The following LRRK1 variants were observed in gnomAD, a reference collection of about 807,000 sequenced individuals.
The protein encoded by LRRK1 is leucine rich repeat kinase 1, also known as leucine-rich repeat serine/threonine-protein kinase 1.
Under a neutral mutation model 209.1 loss-of-function variants are expected in LRRK1, and 113 were observed. The observed-to-expected ratio is 0.54, with a 90% CI of 0.46 to 0.63. LRRK1 has a LOEUF of 0.63. LRRK1 is among the 30% of genes least tolerant of loss of function. The probability of loss-of-function intolerance (pLI) is 0.00; values close to 1 mark genes in which losing one functional copy is unlikely to be tolerated. For synonymous variants in LRRK1, 1,144 were observed against 1,099.7 expected (o/e 1.04, Z -0.80); for missense variants, 2,284 against 2,632.2 (o/e 0.87, Z 2.89).
chr15:100,953,614 C>T (rs982474603), intron 2 of LRRK1, among the ~76,000 whole-genome samples: 1 of 151,906 alleles, frequency 6.6e-6, no homozygotes, highest in African/African-American at 2.4e-5. Context: ...TATCTTGGCT[C>T]TTGTGAATAA....
intron 20 of LRRK1, among the ~76,000 whole-genome samples, chr15:101,040,751 A>T (rs1314853760): frequency 2.6e-5 from 4 of 152,140 alleles, no homozygotes; most frequent in Non-Finnish European, 1.5e-5. Flanking sequence ...AATATATCTT[A>T]TATTATTTTG....
chr15:100,956,456 T>TTTTTCTTTTCTTTTTTC (rs1491498027), intron 2 of LRRK1, among the ~76,000 whole-genome samples: 1 of 58,814 alleles, frequency 1.7e-5, no homozygotes, highest in African/African-American at 8.7e-5. Flanking sequence ...TTTTTTTTTC[T>TTTTTCTTTTCTTTTTTC]TTTTTTTTTT....
At chr15:100,941,472 G>GTCTGTGTGTCTGTGTGTGTCTATGTC (rs1567191284) in intron 2 of LRRK1, among the ~76,000 whole-genome samples, 1 of 145,788 alleles carries the variant, frequency 6.9e-6, no homozygotes. Flanking sequence ...CTCTGTGTGT[G>GTCTGTGTGTCTGTGTGTGTCTATGTC]TGTGTGTGTG....
At chr15:100,959,112 G>GA (rs1397559116) in intron 2 of LRRK1, among the ~76,000 whole-genome samples, 2 of 152,200 alleles carry the variant, frequency 1.3e-5, no homozygotes, top group Non-Finnish European at 2.9e-5. Flanking sequence ...TCTTGGAAAG[G>GA]AAAATTTAGA....
rs539135691 is a variant in LRRK1 at position 101,069,116 on chromosome 15, C to T, written c.*268C>T. ...GAAGACAGTGGTATCAGGCTGGGAG[C>T]GGCCTCCTCTGGCCTCCCCCATCAG... On this transcript the variant is annotated 3_prime_UTR_variant, in exon 34 of 34. Coordinates refer to ENST00000388948, the MANE Select transcript of LRRK1 (RefSeq NM_024652.6). 65 of 333,200 alleles carry T rather than the reference C, an allele frequency of 2.0e-4. No individual in the cohort carries two copies. The highest frequency in any genetic ancestry group is 3.2e-4 in the East Asian group (6 of 19,008). The allele number at this position is 333,200 out of a possible 1,614,324, so 20.6% of individuals were successfully genotyped here.
In LRRK1 at chr15:101,025,384, G is replaced by A. The variant is rs573335147; in HGVS notation, c.2232+417G>A. Among the ~76,000 whole-genome samples the A allele has an allele frequency of 1.2e-4, 19 of 152,298 alleles. No individual in the cohort carries two copies. In the East Asian group the frequency reaches 1.9e-3, roughly 15 times the overall value. ...CAATGCAACAGTCCCTCAGGTTCAC[G>A]GAGAATGAGGAGCACAGGTGCTGCC... On this transcript the variant is annotated intron_variant, in intron 16 of 33. Transcript: ENST00000388948.
intron 19 of LRRK1, 55 bp from the exon 20 acceptor site, chr15:101,028,901 G>A: frequency 6.3e-7 from 1 of 1,579,086 alleles, no homozygotes; most frequent in Non-Finnish European, 8.6e-7. Flanking sequence ...CCACCCCAGA[G>A]TCCCTTTCGC....
chr15:100,949,547 A>T (rs2042605581), intron 2 of LRRK1, among the ~76,000 whole-genome samples: 1 of 152,204 alleles, frequency 6.6e-6, no homozygotes, highest in Non-Finnish European at 1.5e-5. Flanking sequence ...TATTACCCTG[A>T]AGCCAAAACC....
rs902809822 is a variant in LRRK1 at position 101,068,949 on chromosome 15, G to A, written c.*101G>A. ...TAGTTCTCCAAGGACCTAGAAGACAGATGGAGTTCTCCCCTGAACTCCTTG... is the reference window on the plus strand; with the variant it reads ...TAGTTCTCCAAGGACCTAGAAGACAAATGGAGTTCTCCCCTGAACTCCTTG... On this transcript the variant is annotated 3_prime_UTR_variant, in exon 34 of 34. Transcript: ENST00000388948. 311 of 1,198,398 alleles carry A rather than the reference G, an allele frequency of 2.6e-4. 1 individual carries two copies. The highest frequency in any genetic ancestry group is 1.2e-3 in the Admixed American group (42 of 35,750). The allele number at this position is 1,198,398 out of a possible 1,614,324, so 74.2% of individuals were successfully genotyped here.
At chr15:101,019,640 G>A (rs1318908987) in intron 12 of LRRK1, among the ~76,000 whole-genome samples, 2 of 152,296 alleles carry the variant, frequency 1.3e-5, no homozygotes, top group South Asian at 4.1e-4. Context: ...CCGAGGCGGG[G>A]TAGCTATGAT....
At chr15:100,973,426 C>A (rs1281058892) in intron 2 of LRRK1, among the ~76,000 whole-genome samples, 4 of 152,216 alleles carry the variant, frequency 2.6e-5, no homozygotes, top group Non-Finnish European at 4.4e-5. Context: ...CCCGTGGGCA[C>A]CGCAGCGGGA....
At chr15:101,033,598 A>G (rs1266265137) in intron 20 of LRRK1, among the ~76,000 whole-genome samples, 1 of 152,088 alleles carries the variant, frequency 6.6e-6, no homozygotes, top group Non-Finnish European at 1.5e-5. Context: ...AAATGACATG[A>G]TTTCATTCTC....
chr15:100,971,842 T>C (rs1224392007), intron 2 of LRRK1, among the ~76,000 whole-genome samples: 1 of 152,226 alleles, frequency 6.6e-6, no homozygotes, highest in Non-Finnish European at 1.5e-5. Flanking sequence ...TTTGCCTCCA[T>C]GGGATCAAAT....
intron 6 of LRRK1, among the ~76,000 whole-genome samples, chr15:101,006,120 C>A (rs1215856733): frequency 6.6e-6 from 1 of 152,152 alleles, no homozygotes; most frequent in Non-Finnish European, 1.5e-5. Flanking sequence ...CCACCTTAAC[C>A]ATGAGACCAA....
intron 33 of LRRK1, among the ~76,000 whole-genome samples, chr15:101,066,943 G>A (rs2036563759): frequency 6.6e-6 from 1 of 152,232 alleles, no homozygotes; most frequent in African/African-American, 2.4e-5. Context: ...ATGGCTGCCT[G>A]TTTCTGGAGT....
At chr15:101,018,980 A>G (rs1230718437) in intron 12 of LRRK1, among the ~76,000 whole-genome samples, 1 of 152,226 alleles carries the variant, frequency 6.6e-6, no homozygotes, top group African/African-American at 2.4e-5. Flanking sequence ...AAATAGTCAT[A>G]TTTGTGCAGT....
At chr15:100,973,396 G>A (rs191749505) in intron 2 of LRRK1, among the ~76,000 whole-genome samples, 1 of 152,218 alleles carries the variant, frequency 6.6e-6, no homozygotes, top group Admixed American at 6.5e-5. Context: ...CCACACCCCC[G>A]GGAGGTGGCC....
intron 2 of LRRK1, among the ~76,000 whole-genome samples, chr15:100,929,306 C>T (rs1462521648): frequency 2.0e-5 from 3 of 152,118 alleles, no homozygotes; most frequent in Non-Finnish European, 2.9e-5. Flanking sequence ...GCCGTCGCTT[C>T]GGTCCTGAAA....
At chr15:101,032,031 C>G (rs1325121668) in intron 20 of LRRK1, among the ~76,000 whole-genome samples, 4 of 152,146 alleles carry the variant, frequency 2.6e-5, no homozygotes, top group Middle Eastern at 3.2e-3. Context: ...ACTGCGCCGG[C>G]CTCCTCCCCA....
Sources: allele counts gnomAD v4.1 joint callset (sites outside exome capture counted in the v4.1 genomes callset), GRCh38; gene constraint gnomAD v4.1.1; transcripts MANE v1.5; gene names NCBI Gene and HGNC (gene_info 2026-07-23, HGNC 2026-07-21).